MED27: variants seen among roughly 807,000 people sequenced by gnomAD.
MED27 encodes the protein mediator complex subunit 27.
Under a neutral mutation model 38.2 loss-of-function variants are expected in MED27, and 30 were observed. That is an observed-to-expected ratio of 0.79 (90% CI 0.59 to 1.07). The LOEUF (loss-of-function observed/expected upper bound fraction) is 1.07. MED27 is among the 50% of genes least tolerant of loss of function. The pLI is 0.00. For missense variants in MED27, 289 were observed against 397.5 expected (o/e 0.73, Z 2.32); for synonymous variants, 122 against 153.5 (o/e 0.79, Z 1.52).
At chr9:132,040,133 A>G (rs1204221853) in intron 2 of MED27, among the ~76,000 whole-genome samples, 1 of 152,186 alleles carries the variant, frequency 6.6e-6, no homozygotes, top group Non-Finnish European at 1.5e-5. Flanking sequence ...GTCAGCTACA[A>G]ATTGATGACC....
chr9:131,950,196 C>T (rs1830965181), intron 3 of MED27, among the ~76,000 whole-genome samples: 1 of 152,118 alleles, frequency 6.6e-6, no homozygotes, highest in African/African-American at 2.4e-5. Flanking sequence ...TTGAGCTTTC[C>T]AGCAACACCA....
chr9:131,908,070 C>G (rs1265109797), intron 4 of MED27, among the ~76,000 whole-genome samples: 2 of 150,762 alleles, frequency 1.3e-5, no homozygotes, highest in African/African-American at 4.9e-5. Flanking sequence ...GGCAGCCACC[C>G]GGTCTGGGAA....
intron 2 of MED27, among the ~76,000 whole-genome samples, chr9:132,017,808 T>C (rs1014714936): frequency 6.6e-6 from 1 of 152,220 alleles, no homozygotes; most frequent in African/African-American, 2.4e-5. Flanking sequence ...CTAAAGCCCT[T>C]TCTAACCAAT....
intron 3 of MED27, among the ~76,000 whole-genome samples, chr9:131,976,866 A>G (rs1347476198): frequency 2.6e-5 from 4 of 152,240 alleles, no homozygotes; most frequent in African/African-American, 9.6e-5. Flanking sequence ...TGAAAAACAG[A>G]TCATTACGCT....
At chr9:132,026,053 A>G (rs1832810812) in intron 2 of MED27, among the ~76,000 whole-genome samples, 1 of 152,180 alleles carries the variant, frequency 6.6e-6, no homozygotes, top group Non-Finnish European at 1.5e-5. Context: ...GGCTACTCCA[A>G]TGTGCATGTT....
At chr9:131,992,087 C>G (rs1831988124) in intron 3 of MED27, among the ~76,000 whole-genome samples, 1 of 152,118 alleles carries the variant, frequency 6.6e-6, no homozygotes, top group South Asian at 2.1e-4. Flanking sequence ...CTGGTGACAT[C>G]TGTTAGGACA....
At chr9:132,049,511 G>A (rs898957772) in intron 2 of MED27, among the ~76,000 whole-genome samples, 2 of 152,154 alleles carry the variant, frequency 1.3e-5, no homozygotes, top group Admixed American at 6.5e-5. Context: ...CAGTGGGGAG[G>A]AGGCAACAGA....
At position 131,982,848 on chromosome 9, in the gene MED27, T is replaced by C. The variant is rs1564311462; in HGVS notation, c.479+31489A>G. On this transcript the variant is annotated intron_variant, in intron 3 of 7. Coordinates refer to ENST00000292035, the MANE Select transcript of MED27 (RefSeq NM_004269.4). This position sits in a 1 kb window ranked among gnomAD's most constrained non-coding sequence, Gnocchi z 4.3. ...TAATATGGAAATGAATGCGCATGGC[T>C]GTGCTCAATAAAACTCTGTTTACAG... Among the ~76,000 whole-genome samples, 2 of 152,278 alleles carry C rather than the reference T, an allele frequency of 1.3e-5. No individual in the cohort carries two copies. Among genetic ancestry groups the C allele is most frequent in the Non-Finnish European group, 2.9e-5 (2 of 68,052 alleles).
chr9:131,884,146 G>A (rs373961763), intron 5 of MED27, 47 bp from the exon 6 acceptor site: 87 of 1,485,514 alleles, frequency 5.9e-5, no homozygotes, highest in African/African-American at 4.9e-4. Context: ...CTTAGAATTC[G>A]GGACTTCAAG....
At chr9:131,927,533 C>T (rs1338285367) in intron 4 of MED27, among the ~76,000 whole-genome samples, 1 of 152,188 alleles carries the variant, frequency 6.6e-6, no homozygotes, top group Non-Finnish European at 1.5e-5. Flanking sequence ...CCCATTTGTC[C>T]TTCCTCCCCT....
intron 3 of MED27, among the ~76,000 whole-genome samples, chr9:131,984,919 T>C (rs1245102278): frequency 1.3e-5 from 2 of 152,210 alleles, no homozygotes; most frequent in Non-Finnish European, 2.9e-5. Context: ...TTATCTAGTA[T>C]TTCTATTACA....
chr9:131,879,874 A>T (rs1223429549), intron 6 of MED27, among the ~76,000 whole-genome samples: 1 of 152,244 alleles, frequency 6.6e-6, no homozygotes, highest in Non-Finnish European at 1.5e-5. Flanking sequence ...AGGAAAATAG[A>T]ATCTTGAGGA....
intron 4 of MED27, among the ~76,000 whole-genome samples, chr9:131,920,464 T>C (rs1203228957): frequency 2.6e-5 from 4 of 152,318 alleles, no homozygotes; most frequent in African/African-American, 9.6e-5. Flanking sequence ...ACACCTACTA[T>C]GTGCCAGGCA....
intron 3 of MED27, among the ~76,000 whole-genome samples, chr9:131,955,608 T>C (rs1831080456): frequency 6.6e-6 from 1 of 152,350 alleles, no homozygotes; most frequent in Non-Finnish European, 1.5e-5. Flanking sequence ...TAGAAGAGAA[T>C]ACTATGAACC....
intron 6 of MED27, among the ~76,000 whole-genome samples, chr9:131,871,543 C>T (rs1471929249): frequency 6.6e-6 from 1 of 152,168 alleles, no homozygotes; most frequent in Non-Finnish European, 1.5e-5. Context: ...GCACCATTCA[C>T]AGCAAGACCC....
At chr9:131,971,805 A>G (rs1831484556) in intron 3 of MED27, among the ~76,000 whole-genome samples, 1 of 152,210 alleles carries the variant, frequency 6.6e-6, no homozygotes, top group Non-Finnish European at 1.5e-5. Flanking sequence ...AAATGAGAGG[A>G]AAACTTTGCA....
chr9:131,991,642 AAT>A (rs1831977083), intron 3 of MED27, among the ~76,000 whole-genome samples: 1 of 152,242 alleles, frequency 6.6e-6, no homozygotes, highest in African/African-American at 2.4e-5. Context: ...TATAGCATGA[AAT>A]TTAATTTTTC....
intron 3 of MED27, among the ~76,000 whole-genome samples, chr9:131,992,159 G>A (rs1467488700): frequency 1.3e-5 from 2 of 152,090 alleles, no homozygotes; most frequent in African/African-American, 4.8e-5. Flanking sequence ...GTCCTTCCAC[G>A]TGTAAGAAAT....
rs185456189 is a variant in MED27, at chr9:131,881,156, A to G, written c.723+2902T>C. ...TTAATGTTCTTCACTATTAAAGCAA[A>G]GCAAGACAAGGATAATGAGCAGCAT... On this transcript the variant is annotated intron_variant, in intron 6 of 7. Transcript: ENST00000292035. Among the ~76,000 whole-genome samples, 5 of 152,366 alleles carry G rather than the reference A, an allele frequency of 3.3e-5. No individual in the cohort carries two copies. The East Asian group carries it at 9.6e-4, about 29-fold the overall frequency.
Sources: gnomAD v4.1 joint callset for allele counts (sites outside exome capture counted in the v4.1 genomes callset) on GRCh38, gnomAD v4.1.1 for gene constraint, Gnocchi (gnomAD v3.1) non-coding constraint, MANE v1.5 for transcripts, NCBI Gene and HGNC (gene_info 2026-07-23, HGNC 2026-07-21) for gene names.